KCNIP4: variants seen among roughly 807,000 people sequenced by gnomAD.
KCNIP4 encodes the protein potassium voltage-gated channel interacting protein 4.
In KCNIP4, 12 loss-of-function variants were observed where a neutral mutation model predicts 34.0. That is an observed-to-expected ratio of 0.35 (90% CI 0.23 to 0.57). KCNIP4 has a LOEUF of 0.57. Ranked by LOEUF, KCNIP4 falls within the 20% of genes least tolerant of loss-of-function variation. KCNIP4 has a pLI of 0.83. For missense variants in KCNIP4, 238 were observed against 311.7 expected (o/e 0.76, Z 1.78); for synonymous variants, 124 against 102.2 (o/e 1.21, Z -1.29).
At chr4:21,585,185 G>C (rs1236813432) in intron 1 of KCNIP4, among the ~76,000 whole-genome samples, 4 of 152,026 alleles carry the variant, frequency 2.6e-5, no homozygotes, top group African/African-American at 4.8e-5. Flanking sequence ...TCTCATGACA[G>C]TGCTATGAGG....
chr4:21,313,086 A>G (rs1030039152), intron 1 of KCNIP4, among the ~76,000 whole-genome samples: 2 of 152,236 alleles, frequency 1.3e-5, no homozygotes, highest in Non-Finnish European at 2.9e-5. Context: ...CTAAATCAAT[A>G]CTATAAAAGT....
intron 3 of KCNIP4, among the ~76,000 whole-genome samples, chr4:20,799,784 T>G (rs1288508685): frequency 6.6e-6 from 1 of 152,200 alleles, no homozygotes; most frequent in East Asian, 1.9e-4. Flanking sequence ...TCCTGTTGGT[T>G]CCAGGATCTG....
chr4:21,204,393 A>T (rs1223934386), intron 1 of KCNIP4, among the ~76,000 whole-genome samples: 1 of 152,164 alleles, frequency 6.6e-6, no homozygotes, highest in Non-Finnish European at 1.5e-5. Flanking sequence ...TTTAAAGATC[A>T]AAAAGCTGTA....
chr4:21,076,020 C>CG (rs1745457636), intron 1 of KCNIP4, among the ~76,000 whole-genome samples: 1 of 152,088 alleles, frequency 6.6e-6, no homozygotes, highest in African/African-American at 2.4e-5. Context: ...GTTAGTCTGA[C>CG]GGGTTTCCCT....
chr4:21,435,183 TAA>T (rs1333701900), intron 1 of KCNIP4, among the ~76,000 whole-genome samples: 1 of 152,116 alleles, frequency 6.6e-6, no homozygotes, highest in Non-Finnish European at 1.5e-5. Context: ...GCAAAAAACT[TAA>T]ATTGTTTTGA....
At chr4:20,844,031 C>T (rs1422034810) in intron 3 of KCNIP4, among the ~76,000 whole-genome samples, 6 of 152,132 alleles carry the variant, frequency 3.9e-5, no homozygotes, top group African/African-American at 7.2e-5. Context: ...CTTTTGACAG[C>T]ACTCTTAAAG....
intron 1 of KCNIP4, among the ~76,000 whole-genome samples, chr4:21,807,333 T>C (rs78037602): frequency 0.011 from 1,678 of 152,226 alleles, 14 homozygotes; most frequent in Non-Finnish European, 0.018. Flanking sequence ...ACCCCTGCAT[T>C]AAAAGTCCAA....
At chr4:20,928,005 A>C (rs927993939) in intron 1 of KCNIP4, among the ~76,000 whole-genome samples, 7 of 145,092 alleles carry the variant, frequency 4.8e-5, no homozygotes, top group African/African-American at 1.7e-4. Flanking sequence ...GGGATGATAG[A>C]AAATACTAGA....
At chr4:20,847,411 C>T (rs941039051) in intron 3 of KCNIP4, among the ~76,000 whole-genome samples, 6 of 152,238 alleles carry the variant, frequency 3.9e-5, no homozygotes, top group Admixed American at 3.9e-4. Context: ...AATTCTATGA[C>T]CCAATCCCAC....
intron 1 of KCNIP4, among the ~76,000 whole-genome samples, chr4:21,519,305 G>C (rs1368411787): frequency 1.3e-5 from 2 of 151,306 alleles, no homozygotes; most frequent in African/African-American, 4.9e-5. Flanking sequence ...ATTAGTCAGG[G>C]TTCTCTAGAG....
At chr4:20,867,704 A>T (rs1384396470) in intron 2 of KCNIP4, among the ~76,000 whole-genome samples, 1 of 152,120 alleles carries the variant, frequency 6.6e-6, no homozygotes, top group East Asian at 1.9e-4. Context: ...GCTCCTGCAC[A>T]GTAAAAGAAA....
At chr4:21,765,869 A>AAG (rs1347244180) in intron 1 of KCNIP4, among the ~76,000 whole-genome samples, 1 of 151,716 alleles carries the variant, frequency 6.6e-6, no homozygotes, top group Non-Finnish European at 1.5e-5. Context: ...TGAGGACAGA[A>AAG]AGAGAGAGAC....
intron 3 of KCNIP4, among the ~76,000 whole-genome samples, chr4:20,822,845 A>G (rs916265830): frequency 6.6e-6 from 1 of 152,170 alleles, no homozygotes; most frequent in Non-Finnish European, 1.5e-5. Flanking sequence ...TGATTAAGTC[A>G]TGAGTGGTCC....
intron 1 of KCNIP4, among the ~76,000 whole-genome samples, chr4:21,676,560 TCA>T (rs1193790434): frequency 6.6e-6 from 1 of 152,232 alleles, no homozygotes; most frequent in Non-Finnish European, 1.5e-5. Flanking sequence ...AAAGATTCTG[TCA>T]CCAGAAATAT....
rs77551868 is a variant in KCNIP4 at position 20,995,369 on chromosome 4, C to T, written c.62-112660G>A. Among the ~76,000 whole-genome samples the T allele has an allele frequency of 1.1e-4, 16 of 152,278 alleles. No homozygotes were observed. The East Asian group carries it at 2.5e-3, about 24-fold the overall frequency. ...AATGAATGCGTTAATGTAGTTAAAG[C>T]ATTCATTGCAGGCACAAAGCAAACA... On this transcript the variant is annotated intron_variant, in intron 1 of 8. Coordinates refer to ENST00000382152, the MANE Select transcript of KCNIP4 (RefSeq NM_025221.6).
intron 1 of KCNIP4, among the ~76,000 whole-genome samples, chr4:21,187,374 C>T (rs535732460): frequency 3.2e-4 from 48 of 152,244 alleles, no homozygotes; most frequent in Middle Eastern, 6.8e-3. Context: ...ATAATCAGAT[C>T]ATTAATGTTT....
At chr4:21,054,521 G>GAA (rs111426552) in intron 1 of KCNIP4, among the ~76,000 whole-genome samples, 9 of 98,480 alleles carry the variant, frequency 9.1e-5, no homozygotes, top group African/African-American at 2.1e-4. Context: ...CTCTGTCAAA[G>GAA]AAAAAAAAAA....
intron 1 of KCNIP4, among the ~76,000 whole-genome samples, chr4:21,109,101 G>C (rs1174381991): frequency 6.7e-6 from 1 of 148,654 alleles, no homozygotes; most frequent in Non-Finnish European, 1.5e-5. Context: ...CTCCAGCTGC[G>C]TGCTGGGAGA....
At chr4:21,278,038 A>G (rs1045374300) in intron 1 of KCNIP4, among the ~76,000 whole-genome samples, 3 of 152,202 alleles carry the variant, frequency 2.0e-5, no homozygotes, top group African/African-American at 7.2e-5. Context: ...AATATAAATT[A>G]TAGGTCATGT....
Sources: gnomAD v4.1 joint callset for allele counts (sites outside exome capture counted in the v4.1 genomes callset) on GRCh38, gnomAD v4.1.1 for gene constraint, MANE v1.5 for transcripts, NCBI Gene and HGNC (gene_info 2026-07-23, HGNC 2026-07-21) for gene names.